OR6N2: variants seen among roughly 807,000 people sequenced by gnomAD.
The protein encoded by OR6N2 is olfactory receptor family 6 subfamily N member 2.
For synonymous variants in OR6N2, 160 were observed against 138.3 expected, an observed-to-expected ratio of 1.16 and a Z score of -1.10; for missense variants, 399 against 379.7, an observed-to-expected ratio of 1.05 and a Z score of -0.42.
In OR6N2 at chr1:158,777,250, G is replaced by C; in HGVS notation, c.386C>G (p.Pro129Arg). The C allele has an allele frequency of 3.1e-6, 5 of 1,614,088 alleles. No individual in the cohort carries two copies. Among genetic ancestry groups the C allele is most frequent in the Non-Finnish European group, 4.2e-6 (5 of 1,180,004 alleles). ...GGTCATAATTATAGGGTAGTGGAGGGGCCGACAAATGGCCAGGTATCTATC... is the reference window on the plus strand; with the variant it reads ...GGTCATAATTATAGGGTAGTGGAGGCGCCGACAAATGGCCAGGTATCTATC... ...AYDRYLAICR[P>R]LHYPIIMTTT... Residue 129 changes from proline (P) to arginine (R), a missense_variant, in exon 2 of 2, where the codon CCC (proline) becomes CGC (arginine). Pro to Arg is a moderately radical substitution (Grantham distance 103). Coordinates refer to ENST00000641131, the MANE Select transcript of OR6N2 (RefSeq NM_001005278.2).
chr1:158,776,518 T>G lies in OR6N2; in HGVS notation c.*164A>C. ...TTAAATGCTGACATAAGTGATCGAG[T>G]AAAAAATAGAAATAAAGATGTAGAA... is the stretch of plus-strand genomic sequence containing the variant. On this transcript the variant is annotated 3_prime_UTR_variant, in exon 2 of 2. Coordinates refer to ENST00000641131, the MANE Select transcript of OR6N2 (RefSeq NM_001005278.2). 2 of 483,892 alleles carry G rather than the reference T, an allele frequency of 4.1e-6. No homozygotes were observed. Among genetic ancestry groups the G allele is most frequent in the Non-Finnish European group, 3.6e-6 (1 of 276,782 alleles). The allele number at this position is 483,892 out of a possible 1,614,324, so 30.0% of individuals were successfully genotyped here.
Position 158,777,460 on chromosome 1 carries a change from A to G in OR6N2, c.176T>C (p.Met59Thr), listed in dbSNP as rs1202415169. The G allele has an allele frequency of 3.1e-6, 5 of 1,614,134 alleles. No homozygotes were observed. Among genetic ancestry groups the G allele is most frequent in the Non-Finnish European group, 4.2e-6 (5 of 1,180,048 alleles). The change falls in exon 2 of 2, where the codon ATG becomes ACG. Residue 59 changes from methionine (M) to threonine (T), a missense_variant. Met to Thr is a moderately conservative substitution (Grantham distance 81). Transcript: ENST00000641131. ...GGAAAGAACACTGACAAAGTGGTACATAGGTGTGTGCAGAGCTGCATCCAG... is the reference window on the plus strand; with the variant it reads ...GGAAAGAACACTGACAAAGTGGTACGTAGGTGTGTGCAGAGCTGCATCCAG... ...IRLDAALHTP[M>T]YHFVSVLSFL...
intron 1 of OR6N2, among the ~76,000 whole-genome samples, chr1:158,778,588 T>C (rs2102016113): frequency 6.6e-6 from 1 of 152,246 alleles, no homozygotes; most frequent in Admixed American, 6.5e-5. Context: ...GAGTGACTGG[T>C]CAGATGTAGA....
chr1:158,776,643 G>T lies in OR6N2; in HGVS notation c.*39C>A. 1.6e-6 allele frequency: 2 copies of T among 1,236,036 alleles called. No homozygotes were observed. Among genetic ancestry groups the T allele is most frequent in the South Asian group, 1.4e-5 (1 of 70,102 alleles). 76.6% of individuals were successfully genotyped at this position (1,236,036 alleles called of 1,614,324 possible). ...GGAAGATTACTCAAGGAACTTTTAT[G>T]AATTGAACATTGAGGTGAGAAAGGA... On this transcript the variant is annotated 3_prime_UTR_variant, in exon 2 of 2. Transcript: ENST00000641131.
intron 1 of OR6N2, among the ~76,000 whole-genome samples, chr1:158,778,290 A>G (rs934457270): frequency 6.6e-6 from 1 of 152,240 alleles, no homozygotes; most frequent in African/African-American, 2.4e-5. Context: ...TGTAAAGTAC[A>G]GAACACTTCA....
rs769138804 is a variant in OR6N2, at chr1:158,777,219, T to G, written c.417A>C (p.Thr139=). Residue 139 remains threonine (T), a synonymous_variant, in exon 2 of 2, where the codon ACA becomes ACC. Transcript: ENST00000641131. ...AAGCAGCAGCCATCTTGGCACAGAG[T>G]GTGGTGGTCATAATTATAGGGTAGT... ...PLHYPIIMTT[T]LCAKMAAACW... 29 of 1,613,314 alleles carry G rather than the reference T, an allele frequency of 1.8e-5. No individual in the cohort carries two copies. In the East Asian group the frequency reaches 5.4e-4, roughly 30 times the overall value.
intron 1 of OR6N2, among the ~76,000 whole-genome samples, chr1:158,779,571 A>G (rs1342021852): frequency 6.6e-6 from 1 of 152,266 alleles, no homozygotes; most frequent in Non-Finnish European, 1.5e-5. Flanking sequence ...ATTTTAGAAT[A>G]CTAAATTCAT....
intron 1 of OR6N2, 121 bp from the exon 2 acceptor site, chr1:158,777,762 C>T: frequency 3.2e-6 from 2 of 624,034 alleles, no homozygotes; most frequent in East Asian, 2.8e-5. Flanking sequence ...CTACTGTTGC[C>T]CTCACTACTA....
rs1657597321 is a variant in OR6N2 at position 158,776,531 on chromosome 1, T to TA, written c.*150dup. On this transcript the variant is annotated 3_prime_UTR_variant, in exon 2 of 2. Coordinates refer to ENST00000641131, the MANE Select transcript of OR6N2 (RefSeq NM_001005278.2). ...TAAGTGATCGAGTAAAAAATAGAAATAAAGATGTAGAAAATGAGAAAATCA... is the reference window on the plus strand; with the variant it reads ...TAAGTGATCGAGTAAAAAATAGAAATAAAAGATGTAGAAAATGAGAAAATCA... 4 of 500,006 alleles carry TA rather than the reference T, an allele frequency of 8.0e-6. No homozygotes were observed. Among genetic ancestry groups the TA allele is most frequent in the Non-Finnish European group, 1.4e-5 (4 of 285,950 alleles). 31.0% of individuals were successfully genotyped at this position (500,006 alleles called of 1,614,324 possible). A position where few individuals can be genotyped will look rare whatever the true frequency, so the allele number is the denominator to read the frequency against.
In OR6N2 at chr1:158,775,160, A is replaced by G. The variant is rs1415060608; in HGVS notation, c.*1522T>C. ...AATGTCCACAAACACATAAATTGCC[A>G]TACATATTTTGAAGAGAAGCAAAAC... On this transcript the variant is annotated 3_prime_UTR_variant, in exon 2 of 2. Transcript: ENST00000641131. 1 of 152,252 alleles carries G rather than the reference A, an allele frequency of 6.6e-6. No individual in the cohort carries two copies. The allele number at this position is 152,252 out of a possible 1,614,324, so 9.4% of individuals were successfully genotyped here. A position where few individuals can be genotyped will look rare whatever the true frequency, so the allele number is the denominator to read the frequency against.
At chr1:158,779,676 T>TA (rs1356288619) in intron 1 of OR6N2, among the ~76,000 whole-genome samples, 11 of 152,272 alleles carry the variant, frequency 7.2e-5, no homozygotes, top group South Asian at 2.1e-4. Flanking sequence ...ACAGATATGT[T>TA]AAAAAAAGAA....
Position 158,777,297 on chromosome 1 carries a change from G to A in OR6N2, c.339C>T (p.Tyr113=). The stretch of plus-strand genomic sequence containing the variant: ...TATCATAGGCCATGGCTGTAAGAAG[G>A]TAGCATTCAGACGCTCCCAAGGAGT... ...FFHSLGASEC[Y]LLTAMAYDRY... The change falls in exon 2 of 2, where the codon TAC becomes TAT. Residue 113 remains tyrosine (Y), a synonymous_variant. Coordinates refer to ENST00000641131, the MANE Select transcript of OR6N2 (RefSeq NM_001005278.2). 6.2e-7 allele frequency: 1 copy of A among 1,614,132 alleles called. No homozygotes were observed. The highest frequency in any genetic ancestry group is 8.5e-7 in the Non-Finnish European group (1 of 1,179,998).
In OR6N2 at chr1:158,779,668, A is replaced by T. The variant is rs181230072; in HGVS notation, c.-7+1502T>A. Among the ~76,000 whole-genome samples the T allele has an allele frequency of 1.5e-3, 221 of 152,340 alleles. 1 individual carries two copies. The highest frequency in any genetic ancestry group is 5.2e-3 in the African/African-American group (215 of 41,584). On this transcript the variant is annotated intron_variant, in intron 1 of 1. Coordinates refer to ENST00000641131, the MANE Select transcript of OR6N2 (RefSeq NM_001005278.2). The stretch of plus-strand genomic sequence containing the variant: ...ATTCACCTCTCCAATTACAGGAGAC[A>T]GATATGTTAAAAAAAGAAATTCTCG...
In OR6N2 at chr1:158,776,972, T is replaced by A. The variant is rs1392024268; in HGVS notation, c.664A>T (p.Ile222Phe). 1.9e-6 allele frequency: 3 copies of A among 1,614,006 alleles called. No individual in the cohort carries two copies. Among genetic ancestry groups the A allele is most frequent in the Non-Finnish European group, 2.5e-6 (3 of 1,180,022 alleles). The change falls in exon 2 of 2, where the codon ATT becomes TTT. Residue 222 changes from isoleucine (I) to phenylalanine (F), a missense_variant. By Grantham distance (21) the Ile-to-Phe change is conservative (BLOSUM62 0). Transcript: ENST00000641131. Reference sequence around the variant, plus strand: ...GTTTTTATCTTCAGCACAGCCCCAATGATCCTTGCATAAGAAATCATGATA... The same window carrying A: ...GTTTTTATCTTCAGCACAGCCCCAAAGATCCTTGCATAAGAAATCATGATA... ...FFIMISYARI[I>F]GAVLKIKTAS...
Position 158,777,240 on chromosome 1 carries a change from G to A in OR6N2, c.396C>T (p.Tyr132=). Reference sequence around the variant, plus strand: ...AGAGTGTGGTGGTCATAATTATAGGGTAGTGGAGGGGCCGACAAATGGCCA... The same window carrying A: ...AGAGTGTGGTGGTCATAATTATAGGATAGTGGAGGGGCCGACAAATGGCCA... ...RYLAICRPLH[Y]PIIMTTTLCA... Residue 132 remains tyrosine, a synonymous_variant, in exon 2 of 2, where the codon TAC becomes TAT. Transcript: ENST00000641131. The A allele has an allele frequency of 6.2e-7, 1 of 1,614,108 alleles. No individual in the cohort carries two copies. Among genetic ancestry groups the A allele is most frequent in the South Asian group, 1.1e-5 (1 of 91,076 alleles).
rs760719986 is a variant in OR6N2, at chr1:158,776,900, C to A, written c.736G>T (p.Ala246Ser). The A allele has an allele frequency of 4.3e-6, 7 of 1,614,084 alleles. No individual in the cohort carries two copies. The highest frequency in any genetic ancestry group is 5.1e-6 in the Non-Finnish European group (6 of 1,180,000). ...CTCCCAAAGAAGATGAGGACCACAG[C>A]AAGATGTGAGGCACAGGTAGAAAAG... The part of the protein sequence containing the change: ...KAFSTCASHL[A>S]VVLIFFGSII... Residue 246 changes from alanine (A) to serine (S), a missense_variant, in exon 2 of 2, where the codon GCT becomes TCT. Coordinates refer to ENST00000641131, the MANE Select transcript of OR6N2 (RefSeq NM_001005278.2).
In OR6N2 at chr1:158,777,411, A is replaced by T. The variant is rs755285039; in HGVS notation, c.225T>A (p.Ala75=). ...VLSFLELWYT[A]TTIPKMLSNI... is the part of the protein sequence containing the mutation. ...TAGACAACATCTTAGGGATAGTGGT[A>T]GCTGTATACCACAACTCCAAGAAGG... Residue 75 remains alanine, a synonymous_variant, in exon 2 of 2, where the codon GCT becomes GCA. Coordinates refer to ENST00000641131, the MANE Select transcript of OR6N2 (RefSeq NM_001005278.2). 1 of 1,614,034 alleles carries T rather than the reference A, an allele frequency of 6.2e-7. No individual in the cohort carries two copies. Among genetic ancestry groups the T allele is most frequent in the East Asian group, 2.2e-5 (1 of 44,904 alleles).
chr1:158,779,378 G>A (rs1461055617), intron 1 of OR6N2, among the ~76,000 whole-genome samples: 2 of 151,884 alleles, frequency 1.3e-5, no homozygotes, highest in South Asian at 4.2e-4. Context: ...CCTGACACTC[G>A]TCACAATGGC....
rs1657559625 is a variant in OR6N2 at position 158,775,132 on chromosome 1, A to C, written c.*1550T>G. ...ACAAACTATATCTATGTATATATAC[A>C]TAAATGTCCACAAACACATAAATTG... is the stretch of plus-strand genomic sequence containing the variant. On this transcript the variant is annotated 3_prime_UTR_variant, in exon 2 of 2. Transcript: ENST00000641131. 6.6e-6 allele frequency: 1 copy of C among 152,264 alleles called. No individual in the cohort carries two copies. Among genetic ancestry groups the C allele is most frequent in the Non-Finnish European group, 1.5e-5 (1 of 68,054 alleles). The allele number at this position is 152,264 out of a possible 1,614,324, so 9.4% of individuals were successfully genotyped here.
Sources: allele counts gnomAD v4.1 joint callset (sites outside exome capture counted in the v4.1 genomes callset), GRCh38; gene constraint gnomAD v4.1.1; transcripts MANE v1.5; gene names NCBI Gene and HGNC (gene_info 2026-07-23, HGNC 2026-07-21).